Variants in LFNG observed in about 807,000 individuals in gnomAD.
LFNG encodes the protein beta-1,3-N-acetylglucosaminyltransferase lunatic fringe.
Under a neutral mutation model 32.7 loss-of-function variants are expected in LFNG, and 15 were observed. The ratio of observed to expected loss-of-function variants is 0.46; its 90% CI spans 0.31 to 0.71. The LOEUF (loss-of-function observed/expected upper bound fraction) is 0.71, where lower values mean the gene tolerates loss of function less well. LFNG is among the 30% of genes least tolerant of loss of function. LFNG has a pLI of 0.06. For missense variants in LFNG, 520 were observed against 545.7 expected, an observed-to-expected ratio of 0.95 and a Z score of 0.47; for synonymous variants, 274 against 246.8, an observed-to-expected ratio of 1.11 and a Z score of -1.03.
chr7:2,527,152 C>T lies in LFNG; in HGVS notation c.1080C>T (p.Arg360=). 1 of 1,612,748 alleles carries T rather than the reference C, an allele frequency of 6.2e-7. No individual in the cohort carries two copies. The highest frequency in any genetic ancestry group is 8.5e-7 in the Non-Finnish European group (1 of 1,179,886). ...CCCTGCTCTGTTCCCACAGGTTCCGCTCCATCCACTGCCACCTGTACCCGG... is the reference window on the plus strand; with the variant it reads ...CCCTGCTCTGTTCCCACAGGTTCCGTTCCATCCACTGCCACCTGTACCCGG... ...FSVEADPSRF[R]SIHCHLYPDT... Residue 360 remains arginine (R), a synonymous_variant, in exon 8 of 8, where the codon CGC becomes CGT. Coordinates refer to ENST00000222725, the MANE Select transcript of LFNG (RefSeq NM_001040167.2). This position sits in a 1 kb window ranked among gnomAD's most constrained non-coding sequence, Gnocchi z 4.4.
rs372733027 is a variant in LFNG, at chr7:2,525,685, C to G, written c.736C>G (p.Arg246Gly). The G allele has an allele frequency of 6.2e-7, 1 of 1,613,208 alleles. No homozygotes were observed. Among genetic ancestry groups the G allele is most frequent in the South Asian group, 1.1e-5 (1 of 91,082 alleles). Reference protein sequence around the residue: ...AMERVSENKVRPVHFWFATGG... With the variant: ...AMERVSENKVGPVHFWFATGG... ...CAGGACACCTTCTCCCTTCTCCCAG[C>G]GTCCTGTCCACTTCTGGTTTGCCAC... Residue 246 changes from arginine to glycine, a missense_variant and splice_region_variant, in exon 5 of 8, where the codon CGT becomes GGT. Transcript: ENST00000222725.
In LFNG at chr7:2,527,443, G is replaced by A. The variant is rs1780027420; in HGVS notation, c.*231G>A. 1.4e-6 allele frequency: 2 copies of A among 1,433,118 alleles called. No individual in the cohort carries two copies. Among genetic ancestry groups the A allele is most frequent in the Non-Finnish European group, 1.8e-6 (2 of 1,093,128 alleles). The allele number at this position is 1,433,118 out of a possible 1,614,324, so 88.8% of individuals were successfully genotyped here. On this transcript the variant is annotated 3_prime_UTR_variant, in exon 8 of 8. Coordinates refer to ENST00000222725, the MANE Select transcript of LFNG (RefSeq NM_001040167.2). The surrounding 1 kb of genome is among the most constrained non-coding windows in gnomAD (Gnocchi z 4.4). ...CGCCACTTATGTGCCTCTGCTCCGA[G>A]GGCCAGTGGGCTGCAGGGCCTGCTT... is the stretch of plus-strand genomic sequence containing the variant.
In LFNG at chr7:2,526,018, T is replaced by C. The variant is rs1308719570; in HGVS notation, c.822-226T>C. The stretch of plus-strand genomic sequence containing the variant: ...CACCCCAGGCACCATCCGGCAGGAC[T>C]CTTCCCTGCACCCAGATTCCCTCCA... On this transcript the variant is annotated intron_variant, in intron 5 of 7. Coordinates refer to ENST00000222725, the MANE Select transcript of LFNG (RefSeq NM_001040167.2). This position sits in a 1 kb window ranked among gnomAD's most constrained non-coding sequence, Gnocchi z 6.9. 6.6e-6 allele frequency among the ~76,000 whole-genome samples: 1 copy of C among 151,762 alleles called. No homozygotes were observed. Among genetic ancestry groups the C allele is most frequent in the African/African-American group, 2.4e-5 (1 of 41,306 alleles).
chr7:2,514,950 C>T (rs1231946298), upstream of LFNG, among the ~76,000 whole-genome samples: 1 of 152,026 alleles, frequency 6.6e-6, no homozygotes, highest in East Asian at 1.9e-4. Flanking sequence ...ATGTATCTAT[C>T]CATTCATCCA....
Position 2,520,188 on chromosome 7 carries a change from G to T in LFNG, c.327G>T (p.Pro109=), listed in dbSNP as rs376342763. ...ADGHPRPLAE[P]LAPRDVFIAV... is the part of the protein sequence containing the mutation. ...GCCACCCGCGCCCCCTGGCCGAGCCGCTCGCGCCCCGAGACGTCTTCATCG... is the reference window on the plus strand; with the variant it reads ...GCCACCCGCGCCCCCTGGCCGAGCCTCTCGCGCCCCGAGACGTCTTCATCG... The change falls in exon 1 of 8, where the codon CCG becomes CCT. Residue 109 remains proline (P), a synonymous_variant. Coordinates refer to ENST00000222725, the MANE Select transcript of LFNG (RefSeq NM_001040167.2). The surrounding 1 kb of genome is among the most constrained non-coding windows in gnomAD (Gnocchi z 5.0). 11 of 1,574,100 alleles carry T rather than the reference G, an allele frequency of 7.0e-6. No individual in the cohort carries two copies. The African/African-American group carries it at 1.5e-4, about 22-fold the overall frequency.
At chr7:2,524,978 G>A (rs536510052) in intron 2 of LFNG, among the ~76,000 whole-genome samples, 1 of 152,364 alleles carries the variant, frequency 6.6e-6, no homozygotes, top group Non-Finnish European at 1.5e-5. Context: ...GCGGCAACAG[G>A]TGGCGGGTGC....
Position 2,520,144 on chromosome 7 carries a change from G to GC in LFNG, c.289dup (p.Arg97ProfsTer54). ...AGATGCGGGCCCGCCGCCCGGGGCT[G>GC]CCCCCCGCCCCGCCGACGGCCACCC... On this transcript the variant is annotated frameshift_variant, in exon 1 of 8. Coordinates refer to ENST00000222725, the MANE Select transcript of LFNG (RefSeq NM_001040167.2). LOFTEE classifies it high-confidence loss of function. This position sits in a 1 kb window ranked among gnomAD's most constrained non-coding sequence, Gnocchi z 5.0. 2.1e-6 allele frequency: 3 copies of GC among 1,420,432 alleles called. No homozygotes were observed. Among genetic ancestry groups the GC allele is most frequent in the Non-Finnish European group, 9.3e-7 (1 of 1,080,290 alleles). 88.0% of individuals were successfully genotyped at this position (1,420,432 alleles called of 1,614,324 possible).
In LFNG at chr7:2,526,009, C is replaced by T. The variant is rs1414203330; in HGVS notation, c.822-235C>T. On this transcript the variant is annotated intron_variant, in intron 5 of 7. Coordinates refer to ENST00000222725, the MANE Select transcript of LFNG (RefSeq NM_001040167.2). This position sits in a 1 kb window ranked among gnomAD's most constrained non-coding sequence, Gnocchi z 6.9. ...GGCGATGAGCACCCCAGGCACCATC[C>T]GGCAGGACTCTTCCCTGCACCCAGA... Among the ~76,000 whole-genome samples, 6 of 151,940 alleles carry T rather than the reference C, an allele frequency of 3.9e-5. No homozygotes were observed. Among genetic ancestry groups the T allele is most frequent in the African/African-American group, 9.7e-5 (4 of 41,364 alleles).
rs1780044185 is a variant in LFNG, at chr7:2,527,977, G to A, written c.*765G>A. On this transcript the variant is annotated 3_prime_UTR_variant, in exon 8 of 8. Transcript: ENST00000222725. This position sits in a 1 kb window ranked among gnomAD's most constrained non-coding sequence, Gnocchi z 4.4. ...AGAGAGCAAGTCGCCCACAGTGGGC[G>A]TGTCTGTAAATATTGTGACAGTATT... The A allele has an allele frequency of 1.4e-5, 14 of 982,434 alleles. No individual in the cohort carries two copies. In the South Asian group the frequency reaches 2.8e-4, roughly 20 times the overall value. The allele number at this position is 982,434 out of a possible 1,614,324, so 60.9% of individuals were successfully genotyped here. A position where few individuals can be genotyped will look rare whatever the true frequency, so the allele number is the denominator to read the frequency against.
chr7:2,526,724 C>A lies in LFNG; in HGVS notation c.988-112C>A. On this transcript the variant is annotated intron_variant, in intron 6 of 7. Coordinates refer to ENST00000222725, the MANE Select transcript of LFNG (RefSeq NM_001040167.2). This position sits in a 1 kb window ranked among gnomAD's most constrained non-coding sequence, Gnocchi z 6.9. ...GTGCAGGGCAGGTGTCCTTCCAGGT[C>A]CAAGGGAGGCCAGGGCAGGGCCGTT... The A allele has an allele frequency of 1.0e-6, 1 of 997,764 alleles. No individual in the cohort carries two copies. 61.8% of individuals were successfully genotyped at this position (997,764 alleles called of 1,614,324 possible).
exon 1 of LFNG, chr7:2,512,657 G>C: frequency 6.2e-7 from 1 of 1,613,812 alleles, no homozygotes; most frequent in South Asian, 1.1e-5. Context: ...TCAGAGGGAT[G>C]GATGAACAGA....
At chr7:2,525,864 C>T in intron 5 of LFNG, 94 bp downstream of exon 5, 1 of 1,098,684 alleles carries the variant, frequency 9.1e-7, no homozygotes, top group Admixed American at 1.9e-5. Context: ...TGGGGTGTCC[C>T]CAGCCTCCTG....
Position 2,526,139 on chromosome 7 carries a change from CT to C in LFNG, c.822-104del. The stretch of plus-strand genomic sequence containing the variant: ...CTGCAGCCCAGAGCTCTCCTCAGGG[CT>C]CCTCTCCCTGAGGAGTGCAGCGCCT... On this transcript the variant is annotated intron_variant, in intron 5 of 7. Transcript: ENST00000222725. The surrounding 1 kb of genome is among the most constrained non-coding windows in gnomAD (Gnocchi z 6.9). The C allele has an allele frequency of 8.1e-7, 1 of 1,229,716 alleles. No homozygotes were observed. Among genetic ancestry groups the C allele is most frequent in the Non-Finnish European group, 1.2e-6 (1 of 862,754 alleles). The allele number at this position is 1,229,716 out of a possible 1,614,324, so 76.2% of individuals were successfully genotyped here. A position where few individuals can be genotyped will look rare whatever the true frequency, so the allele number is the denominator to read the frequency against.
rs1247845716 is a variant in LFNG at position 2,519,785 on chromosome 7, C to T, written c.-77C>T. ...ACTGGTGCTGCGCTGCTGGACTGCG[C>T]CGCCGGAGCGACGGGCTTCGGGTCG... On this transcript the variant is annotated 5_prime_UTR_variant, in exon 1 of 8. Coordinates refer to ENST00000222725, the MANE Select transcript of LFNG (RefSeq NM_001040167.2). 2 of 879,126 alleles carry T rather than the reference C, an allele frequency of 2.3e-6. No homozygotes were observed. Among genetic ancestry groups the T allele is most frequent in the African/African-American group, 3.6e-5 (2 of 54,822 alleles). The allele number at this position is 879,126 out of a possible 1,614,324, so 54.5% of individuals were successfully genotyped here. A position where few individuals can be genotyped will look rare whatever the true frequency, so the allele number is the denominator to read the frequency against.
At position 2,512,775 on chromosome 7, in the gene LFNG, C is replaced by T. The variant is rs369517361; in HGVS notation, c.47+74C>T. Reference sequence around the variant, plus strand: ...CCTCTTGCTCGTGAACCTGGAGCCCCCTATGTCTCCCCCAGTACCCCTGCA... The same window carrying T: ...CCTCTTGCTCGTGAACCTGGAGCCCTCTATGTCTCCCCCAGTACCCCTGCA... On this transcript the variant is annotated intron_variant, in intron 1 of 8. Transcript: ENST00000402506. The T allele has an allele frequency of 1.6e-5, 21 of 1,323,352 alleles. No individual in the cohort carries two copies. In the Middle Eastern group the frequency reaches 5.4e-4, roughly 34 times the overall value. 82.0% of individuals were successfully genotyped at this position (1,323,352 alleles called of 1,614,324 possible).
chr7:2,515,320 C>T (rs1212658644), upstream of LFNG, among the ~76,000 whole-genome samples: 1 of 148,000 alleles, frequency 6.8e-6, no homozygotes, highest in Non-Finnish European at 1.5e-5. Context: ...CCAGTGTTTA[C>T]TGAGCACCTA....
In LFNG at chr7:2,526,113, G is replaced by A. The variant is rs1202199983; in HGVS notation, c.822-131G>A. 2 of 908,668 alleles carry A rather than the reference G, an allele frequency of 2.2e-6. No homozygotes were observed. The highest frequency in any genetic ancestry group is 3.3e-5 in the African/African-American group (2 of 60,506). The allele number at this position is 908,668 out of a possible 1,614,324, so 56.3% of individuals were successfully genotyped here. On this transcript the variant is annotated intron_variant, in intron 5 of 7. Coordinates refer to ENST00000222725, the MANE Select transcript of LFNG (RefSeq NM_001040167.2). The surrounding 1 kb of genome is among the most constrained non-coding windows in gnomAD (Gnocchi z 6.9). The stretch of plus-strand genomic sequence containing the variant: ...GCTGTGGCCAGGGGAGGCAGAGGGA[G>A]CTGCAGCCCAGAGCTCTCCTCAGGG...
upstream of LFNG, among the ~76,000 whole-genome samples, chr7:2,513,658 C>T (rs1053705627): frequency 6.6e-6 from 1 of 152,174 alleles, no homozygotes; most frequent in Non-Finnish European, 1.5e-5. Context: ...ACCACCGTGG[C>T]CACAGCCCAC....
rs1257301651 is a variant in LFNG, at chr7:2,525,531, C to CA, written c.700dup (p.Ile234AsnfsTer50). The CA allele has an allele frequency of 6.2e-7, 1 of 1,612,304 alleles. No homozygotes were observed. The highest frequency in any genetic ancestry group is 8.5e-7 in the Non-Finnish European group (1 of 1,179,834). On this transcript the variant is annotated frameshift_variant, in exon 4 of 8. Transcript: ENST00000222725. LOFTEE classifies it high-confidence loss of function. ...TCGGCAAGCCCAGCCTGGACAGGCC[C>CA]ATCCAGGCCATGGAGCGGGTCAGCG...
Sources: gnomAD v4.1 joint callset for allele counts (sites outside exome capture counted in the v4.1 genomes callset) on GRCh38, gnomAD v4.1.1 for gene constraint, Gnocchi (gnomAD v3.1) non-coding constraint, MANE v1.5 for transcripts, NCBI Gene and HGNC (gene_info 2026-07-23, HGNC 2026-07-21) for gene names.